The following ANKRD17 variants were observed in gnomAD, a reference collection of about 807,000 sequenced individuals.
ANKRD17 encodes ankyrin repeat domain 17.
Under a neutral mutation model 229.7 loss-of-function variants are expected in ANKRD17, and 19 were observed. That is an observed-to-expected ratio of 0.08 (90% CI 0.06 to 0.12). The LOEUF (loss-of-function observed/expected upper bound fraction) is 0.12, where lower values mean the gene tolerates loss of function less well. Among genes scored for constraint, ANKRD17 ranks in the 10% least tolerant of loss-of-function variants. The probability of loss-of-function intolerance (pLI) is 1.00; values close to 1 mark genes in which losing one functional copy is unlikely to be tolerated. For missense variants in ANKRD17, 2,176 were observed against 3,176.8 expected, an observed-to-expected ratio of 0.68 and a Z score of 7.57; for synonymous variants, 1,112 against 1,146.1, an observed-to-expected ratio of 0.97 and a Z score of 0.60.
intron 1 of ANKRD17, among the ~76,000 whole-genome samples, chr4:73,199,906 CTCTTAT>C (rs1166453674): frequency 6.6e-6 from 1 of 152,124 alleles, no homozygotes; most frequent in Non-Finnish European, 1.5e-5. Flanking sequence ...GCTAAAAGTG[CTCTTAT>C]TCTAACAGAG....
intron 1 of ANKRD17, among the ~76,000 whole-genome samples, chr4:73,247,422 T>C (rs536386291): frequency 6.6e-6 from 1 of 152,204 alleles, no homozygotes; most frequent in South Asian, 2.1e-4. Flanking sequence ...ACAAGGATGT[T>C]CACTTCACTA....
chr4:73,210,012 A>C (rs1399484737), intron 1 of ANKRD17, among the ~76,000 whole-genome samples: 1 of 152,222 alleles, frequency 6.6e-6, no homozygotes. Flanking sequence ...CTGAATACTT[A>C]TCTCCCTAAA....
At chr4:73,085,566 C>T (rs537767818) in intron 29 of ANKRD17, 120 bp from the exon 30 acceptor site, 74 of 917,002 alleles carry the variant, frequency 8.1e-5, no homozygotes, top group South Asian at 4.1e-4. Flanking sequence ...AAAAAAATCC[C>T]GGCTGGGAGT....
chr4:73,120,449 A>T, intron 20 of ANKRD17, 112 bp from the exon 21 acceptor site: 1 of 991,040 alleles, frequency 1.0e-6, no homozygotes, highest in Admixed American at 2.8e-5. Flanking sequence ...ACCAAGATTC[A>T]CAACTAAATT....
intron 20 of ANKRD17, 68 bp downstream of exon 20, chr4:73,120,813 A>G: frequency 1.5e-6 from 2 of 1,349,584 alleles, no homozygotes; most frequent in Middle Eastern, 1.9e-4. Flanking sequence ...TATAATCAAC[A>G]TGTTGCTACT....
At chr4:73,177,353 A>G (rs1316800585) in intron 2 of ANKRD17, 27 bp downstream of exon 2, 8 of 1,475,138 alleles carry the variant, frequency 5.4e-6, no homozygotes, top group Non-Finnish European at 7.3e-6. Flanking sequence ...ATAACAAGGT[A>G]GACTTATTAC....
chr4:73,191,700 A>AAT (rs1214608271), intron 1 of ANKRD17, among the ~76,000 whole-genome samples: 1 of 151,932 alleles, frequency 6.6e-6, no homozygotes, highest in Non-Finnish European at 1.5e-5. Context: ...CAATGGGCAA[A>AAT]ATATTACAGA....
intron 22 of ANKRD17, 114 bp from the exon 23 acceptor site, chr4:73,116,030 C>A (rs571409550): frequency 2.0e-5 from 15 of 760,848 alleles, no homozygotes; most frequent in East Asian, 2.5e-5. Context: ...GACTAAATTG[C>A]ATATTTACAC....
intron 30 of ANKRD17, among the ~76,000 whole-genome samples, chr4:73,083,947 C>CAAA (rs1387866184): frequency 7.9e-6 from 1 of 125,804 alleles, no homozygotes. Flanking sequence ...AAAAACAAAA[C>CAAA]AAAAAAAAAA....
At chr4:73,196,710 A>T (rs2149089147) in intron 1 of ANKRD17, among the ~76,000 whole-genome samples, 1 of 152,316 alleles carries the variant, frequency 6.6e-6, no homozygotes, top group East Asian at 1.9e-4. Flanking sequence ...TATTTTATTG[A>T]GCACCTACAG....
chr4:73,188,033 TA>T (rs1309725476), intron 1 of ANKRD17, among the ~76,000 whole-genome samples: 4 of 152,068 alleles, frequency 2.6e-5, no homozygotes, highest in Non-Finnish European at 5.9e-5. Flanking sequence ...GAAAAGTCTT[TA>T]AAAACAAAAA....
chr4:73,159,498 T>C (rs371649670), intron 3 of ANKRD17, among the ~76,000 whole-genome samples: 162 of 152,310 alleles, frequency 1.1e-3, no homozygotes, highest in African/African-American at 3.8e-3. Context: ...TTAACTAATA[T>C]AAAAATGTGG....
chr4:73,121,842 TA>T, intron 18 of ANKRD17, 83 bp from the exon 19 acceptor site: 1 of 1,351,174 alleles, frequency 7.4e-7, no homozygotes, highest in South Asian at 1.6e-5. Context: ...CTTTTTCTGG[TA>T]TACTGTACAA....
intron 1 of ANKRD17, among the ~76,000 whole-genome samples, chr4:73,247,957 AAT>A (rs1264052493): frequency 1.3e-5 from 2 of 152,040 alleles, no homozygotes; most frequent in Admixed American, 6.5e-5. Flanking sequence ...GTTTTCTGCA[AAT>A]ATGTGTTTCT....
intron 3 of ANKRD17, among the ~76,000 whole-genome samples, chr4:73,158,152 A>AAAAGAAAGAAAGAAAAGAAAGAAAG (rs1731961307): frequency 2.3e-5 from 3 of 128,708 alleles, no homozygotes; most frequent in South Asian, 2.8e-4. Flanking sequence ...GAAAGGAAGA[A>AAAAGAAAGAAAGAAAAGAAAGAAAG]AAAGAAAGAA....
chr4:73,077,344 C>A lies in ANKRD17; in HGVS notation c.7587+11G>T. On this transcript the variant is annotated intron_variant, in intron 32 of 33. Coordinates refer to ENST00000358602, the MANE Select transcript of ANKRD17 (RefSeq NM_032217.5). The stretch of plus-strand genomic sequence containing the variant: ...CTCCCTTAAATAACTAGTACAAAAT[C>A]AGGACTTTACCCCAACTTTAGGAAA... 2 of 1,596,004 alleles carry A rather than the reference C, an allele frequency of 1.3e-6. No homozygotes were observed. Among genetic ancestry groups the A allele is most frequent in the Non-Finnish European group, 1.7e-6 (2 of 1,172,040 alleles).
At chr4:73,232,388 A>C (rs1377473341) in intron 1 of ANKRD17, among the ~76,000 whole-genome samples, 1 of 152,184 alleles carries the variant, frequency 6.6e-6, no homozygotes, top group Non-Finnish European at 1.5e-5. Context: ...CACTGGAAGG[A>C]AGTAGGCCTC....
At chr4:73,087,752 A>T (rs1471692588) in intron 29 of ANKRD17, among the ~76,000 whole-genome samples, 1 of 152,228 alleles carries the variant, frequency 6.6e-6, no homozygotes, top group African/African-American at 2.4e-5. Context: ...GTGAAGGCAA[A>T]CATTGTGAAG....
chr4:73,175,636 C>T (rs973420426), intron 2 of ANKRD17, among the ~76,000 whole-genome samples: 1 of 152,038 alleles, frequency 6.6e-6, no homozygotes, highest in African/African-American at 2.4e-5. Flanking sequence ...CAATAGAAAA[C>T]CCAGGAATAA....
Sources: gnomAD v4.1 joint callset for allele counts (sites outside exome capture counted in the v4.1 genomes callset) on GRCh38, gnomAD v4.1.1 for gene constraint, MANE v1.5 for transcripts, NCBI Gene and HGNC (gene_info 2026-07-23, HGNC 2026-07-21) for gene names.